SLC28A1: variants seen among roughly 807,000 people sequenced by gnomAD.
SLC28A1 encodes solute carrier family 28 member 1.
A neutral mutation model predicts 74.8 loss-of-function variants in SLC28A1; 64 were observed. The ratio of observed to expected loss-of-function variants is 0.86; its 90% CI spans 0.70 to 1.05. The LOEUF (loss-of-function observed/expected upper bound fraction) is 1.05. SLC28A1 is among the 50% of genes least tolerant of loss of function. SLC28A1 has a pLI of 0.00. For synonymous variants in SLC28A1, 359 were observed against 335.0 expected, an observed-to-expected ratio of 1.07 and a Z score of -0.78; for missense variants, 828 against 822.8, an observed-to-expected ratio of 1.01 and a Z score of -0.08.
At chr15:84,971,749 AAGCGAT>A in the SLC28A1 span, among the ~76,000 whole-genome samples, 1 of 151,458 alleles carries the variant, frequency 6.6e-6, no homozygotes, top group Non-Finnish European at 1.5e-5. Context: ...TCCCAGGCTC[AAGCGAT>A]CCTCCCACTT....
intron 6 of SLC28A1, among the ~76,000 whole-genome samples, chr15:84,902,527 T>G (rs1327054769): frequency 2.6e-5 from 4 of 151,620 alleles, no homozygotes; most frequent in Non-Finnish European, 4.4e-5. Context: ...ACATATCAAC[T>G]GTTACCTGGG....
At chr15:84,965,384 A>G in the SLC28A1 span, among the ~76,000 whole-genome samples, 16 of 152,200 alleles carry the variant, frequency 1.1e-4, no homozygotes, top group Non-Finnish European at 1.8e-4. Context: ...GCAGTATGAG[A>G]ATGGACTAAT....
At chr15:84,913,003 G>C (rs534932452) in intron 9 of SLC28A1, among the ~76,000 whole-genome samples, 1 of 152,222 alleles carries the variant, frequency 6.6e-6, no homozygotes, top group South Asian at 2.1e-4. Flanking sequence ...GAGGCAGGAG[G>C]CATCTTGTTG....
chr15:84,891,710 A>T (rs1030031770), intron 5 of SLC28A1, among the ~76,000 whole-genome samples: 1 of 152,196 alleles, frequency 6.6e-6, no homozygotes, highest in Non-Finnish European at 1.5e-5. Context: ...CTTAGGGTGT[A>T]GGTGCAAAAA....
chr15:84,888,503 C>T (rs1596186417), intron 3 of SLC28A1, among the ~76,000 whole-genome samples: 1 of 152,248 alleles, frequency 6.6e-6, no homozygotes, highest in Non-Finnish European at 1.5e-5. Context: ...TCCCCTCGGC[C>T]CCTCTCAGTC....
At chr15:84,946,113 T>TATA (rs1555458478), downstream of SLC28A1, among the ~76,000 whole-genome samples, 10 of 15,488 alleles carry the variant, frequency 6.5e-4, no homozygotes, top group East Asian at 5.7e-3. Flanking sequence ...TATATATATA[T>TATA]TTTTTTTTTT....
chr15:84,951,589 GGAA>G, the SLC28A1 span, among the ~76,000 whole-genome samples: 1 of 152,070 alleles, frequency 6.6e-6, no homozygotes, highest in Non-Finnish European at 1.5e-5. Flanking sequence ...CTAGTAGACA[GGAA>G]GAATAAGATA....
intron 12 of SLC28A1, 86 bp downstream of exon 12, chr15:84,924,196 A>T: frequency 6.8e-7 from 1 of 1,469,286 alleles, no homozygotes; most frequent in Non-Finnish European, 9.4e-7. Flanking sequence ...TGGCCAGAGC[A>T]GCCCTCAGAT....
At chr15:84,944,487 C>G in intron 16 of SLC28A1, 79 bp from the exon 17 acceptor site, 1 of 920,624 alleles carries the variant, frequency 1.1e-6, no homozygotes, top group Admixed American at 1.8e-5. Flanking sequence ...GGGAGGTCAG[C>G]AGATGCAGCC....
intron 12 of SLC28A1, among the ~76,000 whole-genome samples, chr15:84,925,077 T>TTC (rs1970340274): frequency 7.7e-6 from 1 of 130,656 alleles, no homozygotes; most frequent in Non-Finnish European, 1.7e-5. Context: ...GTTTTTTTTT[T>TTC]TTTTTTTTTT....
At chr15:84,914,704 T>C (rs544147684) in intron 9 of SLC28A1, among the ~76,000 whole-genome samples, 8 of 152,308 alleles carry the variant, frequency 5.3e-5, no homozygotes, top group Non-Finnish European at 1.2e-4. Context: ...TTGCCTCCCC[T>C]TTCCACAGCA....
At chr15:84,952,082 A>G in the SLC28A1 span, among the ~76,000 whole-genome samples, 1 of 152,100 alleles carries the variant, frequency 6.6e-6, no homozygotes. Flanking sequence ...ACCCACTAAG[A>G]TCCGTGTTCC....
At chr15:84,965,610 C>T in the SLC28A1 span, among the ~76,000 whole-genome samples, 2 of 152,176 alleles carry the variant, frequency 1.3e-5, no homozygotes, top group Non-Finnish European at 2.9e-5. Flanking sequence ...GAGATGAAAG[C>T]AACATGCTAT....
chr15:84,898,998 C>T (rs547897582), intron 6 of SLC28A1, among the ~76,000 whole-genome samples: 11 of 152,246 alleles, frequency 7.2e-5, no homozygotes, highest in Non-Finnish European at 1.2e-4. Flanking sequence ...CAGTTGAGTT[C>T]TGCTCAGAGA....
At chr15:84,910,549 A>AG (rs1279524844) in intron 9 of SLC28A1, among the ~76,000 whole-genome samples, 1 of 152,050 alleles carries the variant, frequency 6.6e-6, no homozygotes, top group Non-Finnish European at 1.5e-5. Context: ...ACCAACATGG[A>AG]GAAACCCCAT....
At chr15:84,927,244 T>TC (rs1274164860) in intron 12 of SLC28A1, among the ~76,000 whole-genome samples, 3 of 151,934 alleles carry the variant, frequency 2.0e-5, no homozygotes, top group African/African-American at 7.3e-5. Context: ...CTCTGAAGGT[T>TC]CACTGAAAAA....
the SLC28A1 span, among the ~76,000 whole-genome samples, chr15:84,961,284 A>C: frequency 6.6e-6 from 1 of 152,058 alleles, no homozygotes; most frequent in Non-Finnish European, 1.5e-5. Flanking sequence ...AATGCATGGA[A>C]TAGAGCCGCA....
intron 9 of SLC28A1, among the ~76,000 whole-genome samples, chr15:84,913,478 T>C (rs1287468894): frequency 6.6e-6 from 1 of 152,228 alleles, no homozygotes; most frequent in Non-Finnish European, 1.5e-5. Context: ...TCTCCAGGGC[T>C]GTGGTTGTCA....
chr15:84,926,880 C>T (rs1970584611), intron 12 of SLC28A1, among the ~76,000 whole-genome samples: 1 of 152,074 alleles, frequency 6.6e-6, no homozygotes, highest in Non-Finnish European at 1.5e-5. Context: ...CCACCTGTCT[C>T]TCTCATCTCT....
Sources: gnomAD v4.1 joint callset for allele counts (sites outside exome capture counted in the v4.1 genomes callset) on GRCh38, gnomAD v4.1.1 for gene constraint, MANE v1.5 for transcripts, NCBI Gene and HGNC (gene_info 2026-07-23, HGNC 2026-07-21) for gene names.